PFKP: variants seen among roughly 807,000 people sequenced by gnomAD.
PFKP encodes ATP-dependent 6-phosphofructokinase, platelet type.
PFKP carries 101 observed loss-of-function variants against 94.3 expected under a neutral mutation model. The ratio of observed to expected loss-of-function variants is 1.07; its 90% CI spans 0.91 to 1.26. PFKP has a LOEUF of 1.26. Among genes scored for constraint, PFKP ranks in the 50% most tolerant of loss-of-function variants. PFKP has a pLI of 0.00. For synonymous variants in PFKP, 573 were observed against 432.6 expected, an observed-to-expected ratio of 1.32 and a Z score of -4.03; for missense variants, 1,145 against 1,103.3, an observed-to-expected ratio of 1.04 and a Z score of -0.53.
chr10:3,097,098 A>AAC (rs1422581779), intron 2 of PFKP, among the ~76,000 whole-genome samples: 1 of 146,766 alleles, frequency 6.8e-6, no homozygotes, highest in Non-Finnish European at 1.5e-5. Context: ...AAAACAAAAA[A>AAC]ACCTGGGAGT....
rs369717732 is a variant in PFKP at position 3,108,793 on chromosome 10, G to A, written c.963G>A (p.Leu321=). 2.5e-6 allele frequency: 4 copies of A among 1,606,592 alleles called. No individual in the cohort carries two copies. Reference sequence around the variant, plus strand: ...CCCCTTCGGCATTCGACAGGATCTTGGTGAGTTGGGAAGGGTTGGGCATCT... The same window carrying A: ...CCCCTTCGGCATTCGACAGGATCTTAGTGAGTTGGGAAGGGTTGGGCATCT... The part of the protein sequence containing the change: ...GGTPSAFDRI[L]ASRMGVEAVI... Residue 321 remains leucine (L), a splice_region_variant and synonymous_variant, in exon 9 of 22, where the codon TTG becomes TTA. Transcript: ENST00000381125.
intron 2 of PFKP, among the ~76,000 whole-genome samples, chr10:3,098,672 C>CAAAAAAAAAAAAAAAAAAAAAA (rs5782682): frequency 9.3e-6 from 1 of 107,170 alleles, no homozygotes; most frequent in African/African-American, 3.7e-5. Context: ...GACTCCGTCT[C>CAAAAAAAAAAAAAAAAAAAAAA]AAAAAAAAAA....
intron 2 of PFKP, among the ~76,000 whole-genome samples, chr10:3,087,984 C>CTTTTTTT (rs1224829610): frequency 0.052 from 4,973 of 95,596 alleles, 171 homozygotes; most frequent in Non-Finnish European, 0.073. Context: ...ATCTTTCATT[C>CTTTTTTT]TTTTTTTTTT....
At chr10:3,087,312 G>A (rs1202088875) in intron 2 of PFKP, among the ~76,000 whole-genome samples, 1 of 152,130 alleles carries the variant, frequency 6.6e-6, no homozygotes, top group East Asian at 1.9e-4. Context: ...CTCTGTCTCA[G>A]CTGGGAGGGC....
At chr10:3,103,614 G>A (rs1408631575) in intron 4 of PFKP, among the ~76,000 whole-genome samples, 165 bp from the exon 5 acceptor site, 2 of 152,226 alleles carry the variant, frequency 1.3e-5, no homozygotes, top group Non-Finnish European at 2.9e-5. Flanking sequence ...GGTCAACAGT[G>A]AGACCCTGTC....
At position 3,116,788 on chromosome 10, in the gene PFKP, G is replaced by A. The variant is rs748464081; in HGVS notation, c.1384G>A (p.Gly462Ser). ...GFAKGQIKEI[G>S]WTDVGGWTGQ... is the part of the protein sequence containing the mutation. ...GTTTGCACATTAGATCAAAGAAATCGGCTGGACAGATGTCGGGGGCTGGAC... is the reference window on the plus strand; with the variant it reads ...GTTTGCACATTAGATCAAAGAAATCAGCTGGACAGATGTCGGGGGCTGGAC... The change falls in exon 14 of 22, where the codon GGC becomes AGC. Residue 462 changes from glycine to serine, a missense_variant. By Grantham distance (56) the Gly-to-Ser change is moderately conservative (BLOSUM62 0). This residue lies in a region of PFKP where 1,119 missense variants were observed against 1,062.8 expected (regional missense o/e 1.05). Transcript: ENST00000381125. 18 of 1,613,470 alleles carry A rather than the reference G, an allele frequency of 1.1e-5. No homozygotes were observed. Among genetic ancestry groups the A allele is most frequent in the African/African-American group, 2.7e-5 (2 of 74,912 alleles).
At chr10:3,121,730 T>C (rs1837424824) in intron 16 of PFKP, among the ~76,000 whole-genome samples, 1 of 151,780 alleles carries the variant, frequency 6.6e-6, no homozygotes, top group South Asian at 2.1e-4. Context: ...TGATTTATTA[T>C]GCGATTGTTT....
At chr10:3,069,102 C>T in intron 1 of PFKP, 1 of 374,326 alleles carries the variant, frequency 2.7e-6, no homozygotes, top group Non-Finnish European at 4.0e-6. Context: ...CACCCGTGCG[C>T]CGCGCGCTCC....
At chr10:3,079,006 G>C (rs1012459700) in intron 1 of PFKP, among the ~76,000 whole-genome samples, 2 of 152,186 alleles carry the variant, frequency 1.3e-5, no homozygotes, top group South Asian at 2.1e-4. Context: ...AAGTTCCCAG[G>C]CTCCCTCTCC....
intron 8 of PFKP, chr10:3,107,880 C>A: frequency 7.8e-7 from 1 of 1,288,852 alleles, no homozygotes; most frequent in Non-Finnish European, 1.0e-6. Flanking sequence ...ATGGGCTGTG[C>A]CCCTGCTGTA....
At chr10:3,106,640 T>TG (rs1198671354) in intron 7 of PFKP, among the ~76,000 whole-genome samples, 12 of 11,356 alleles carry the variant, frequency 1.1e-3, no homozygotes, top group Admixed American at 3.3e-3. Context: ...CCCCTGCCCC[T>TG]CTCCTCACCC....
intron 1 of PFKP, among the ~76,000 whole-genome samples, chr10:3,080,104 G>A (rs1189158963): frequency 6.6e-6 from 1 of 151,820 alleles, no homozygotes; most frequent in Non-Finnish European, 1.5e-5. Context: ...AGGAACAGGA[G>A]CCTCCGAGTG....
At chr10:3,104,090 C>T in intron 5 of PFKP, 146 bp downstream of exon 5, 3 of 648,020 alleles carry the variant, frequency 4.6e-6, no homozygotes, top group East Asian at 2.8e-5. Flanking sequence ...ATTGCCAGAA[C>T]ATTGTTCTCT....
chr10:3,075,226 G>A (rs772740366), intron 1 of PFKP, among the ~76,000 whole-genome samples: 7 of 151,598 alleles, frequency 4.6e-5, no homozygotes, highest in Non-Finnish European at 5.9e-5. Flanking sequence ...CAGCCTGGGC[G>A]TTAGGGCCGT....
At chr10:3,089,670 TTATG>T (rs1184392274) in intron 2 of PFKP, among the ~76,000 whole-genome samples, 6 of 149,704 alleles carry the variant, frequency 4.0e-5, no homozygotes, top group East Asian at 1.9e-4. Flanking sequence ...TTATTATACA[TTATG>T]TATAATATGA....
rs768595427 is a variant in PFKP at position 3,133,236 on chromosome 10, C to G, written c.1944C>G (p.Asp648Glu). 19 of 1,613,914 alleles carry G rather than the reference C, an allele frequency of 1.2e-5. No individual in the cohort carries two copies. The highest frequency in any genetic ancestry group is 3.3e-5 in the Admixed American group (2 of 60,004). ...GCTGCAGTGAAAACTACACCACCGA[C>G]TTCATTTACCAGCTGTATTCAGAAG... The part of the protein sequence containing the change: ...NESCSENYTT[D>E]FIYQLYSEEG... Residue 648 changes from aspartate (D) to glutamate (E), a missense_variant, in exon 19 of 22, where the codon GAC becomes GAG. Physicochemically the swap from Asp to Glu is conservative, Grantham distance 45. Transcript: ENST00000381125.
chr10:3,127,031 A>C (rs372199845), intron 16 of PFKP, among the ~76,000 whole-genome samples: 1 of 152,270 alleles, frequency 6.6e-6, no homozygotes, highest in Non-Finnish European at 1.5e-5. Context: ...CCTCCGTGCC[A>C]CACTGCAGGC....
At chr10:3,073,317 T>A (rs1016676527) in intron 1 of PFKP, among the ~76,000 whole-genome samples, 2 of 151,868 alleles carry the variant, frequency 1.3e-5, no homozygotes, top group African/African-American at 4.8e-5. Context: ...CTAACACATA[T>A]CCACAGTGAA....
At chr10:3,108,140 T>C (rs1835819823) in intron 8 of PFKP, 1 of 713,136 alleles carries the variant, frequency 1.4e-6, no homozygotes, top group Non-Finnish European at 2.0e-6. Flanking sequence ...TGTAATTAAA[T>C]TATAGGACAA....
Sources: gnomAD v4.1 joint callset for allele counts (sites outside exome capture counted in the v4.1 genomes callset) on GRCh38, gnomAD v4.1.1 for gene constraint, gnomAD v4.1.1 regional missense constraint, MANE v1.5 for transcripts, NCBI Gene and HGNC (gene_info 2026-07-23, HGNC 2026-07-21) for gene names.